The following MYBL1 variants were observed in gnomAD, a reference collection of about 807,000 sequenced individuals.
MYBL1 encodes MYB proto-oncogene like 1, also known as myb-related protein A.
In MYBL1, 17 loss-of-function variants were observed where a neutral mutation model predicts 96.3. The observed-to-expected ratio is 0.18, with a 90% CI of 0.12 to 0.26. MYBL1 has a LOEUF of 0.26. MYBL1 is among the 10% of genes least tolerant of loss of function. MYBL1 has a pLI of 1.00. For missense variants in MYBL1, 701 were observed against 882.9 expected (o/e 0.79, Z 2.61); for synonymous variants, 282 against 292.7 (o/e 0.96, Z 0.37).
At position 66,563,659 on chromosome 8, in the gene MYBL1, C is replaced by T. The variant is rs1489367563; in HGVS notation, c.*1038G>A. On this transcript the variant is annotated 3_prime_UTR_variant, in exon 16 of 16. Transcript: ENST00000522677. ...AATGCAAAAATTTCAAACACATATA[C>T]AAATCACCAGATTAATGTATATGAC... 1 of 152,098 alleles carries T rather than the reference C, an allele frequency of 6.6e-6. No homozygotes were observed. The highest frequency in any genetic ancestry group is 1.5e-5 in the Non-Finnish European group (1 of 67,896). The allele number at this position is 152,098 out of a possible 1,614,324, so 9.4% of individuals were successfully genotyped here.
intron 11 of MYBL1, 72 bp from the exon 12 acceptor site, chr8:66,572,668 T>C: frequency 1.4e-6 from 1 of 691,520 alleles, no homozygotes; most frequent in Non-Finnish European, 2.3e-6. Context: ...AGCAAAGCAA[T>C]TTAAGCACAC....
intron 1 of MYBL1, among the ~76,000 whole-genome samples, chr8:66,608,734 A>G (rs1283055288): frequency 6.6e-6 from 1 of 152,136 alleles, no homozygotes; most frequent in African/African-American, 2.4e-5. Flanking sequence ...TATTATAACA[A>G]TCAATGCTGG....
Position 66,566,670 on chromosome 8 carries a change from A to G in MYBL1, c.1950+14T>C. On this transcript the variant is annotated intron_variant, in intron 14 of 15. Transcript: ENST00000522677. ...AACCATTTAAAATAACAACAATAAT[A>G]ATCCTTTACAAACCTGCATGTCTGA... 1 of 1,525,440 alleles carries G rather than the reference A, an allele frequency of 6.6e-7. No individual in the cohort carries two copies. The highest frequency in any genetic ancestry group is 9.0e-7 in the Non-Finnish European group (1 of 1,108,956). The allele number at this position is 1,525,440 out of a possible 1,614,324, so 94.5% of individuals were successfully genotyped here.
intron 3 of MYBL1, among the ~76,000 whole-genome samples, chr8:66,600,987 A>G (rs981512165): frequency 6.6e-6 from 1 of 151,696 alleles, no homozygotes; most frequent in Non-Finnish European, 1.5e-5. Context: ...CCTGACCAAC[A>G]TGGAGAAACC....
chr8:66,592,317 C>T (rs974275621), intron 8 of MYBL1, 123 bp downstream of exon 8: 2 of 658,602 alleles, frequency 3.0e-6, no homozygotes, highest in Non-Finnish European at 4.9e-6. Flanking sequence ...TAAAAAAAAA[C>T]AAAACTATTT....
chr8:66,587,420 T>G (rs963416231), intron 8 of MYBL1, among the ~76,000 whole-genome samples: 2 of 152,210 alleles, frequency 1.3e-5, no homozygotes, highest in African/African-American at 4.8e-5. Flanking sequence ...CTGTTTCTTG[T>G]GTAGGTTCCC....
At chr8:66,595,411 A>G (rs1809810081) in intron 6 of MYBL1, among the ~76,000 whole-genome samples, 172 bp downstream of exon 6, 1 of 152,198 alleles carries the variant, frequency 6.6e-6, no homozygotes, top group Non-Finnish European at 1.5e-5. Flanking sequence ...AAAAGGAAAC[A>G]TTTTAATAAA....
chr8:66,606,068 T>C (rs934078718), intron 1 of MYBL1, among the ~76,000 whole-genome samples: 2 of 152,080 alleles, frequency 1.3e-5, no homozygotes, highest in Admixed American at 6.5e-5. Flanking sequence ...TACTACGACA[T>C]ACTGGAAAAA....
chr8:66,612,424 AG>A (rs1433521962), intron 1 of MYBL1: 2 of 226,398 alleles, frequency 8.8e-6, no homozygotes, highest in Non-Finnish European at 1.7e-5. Context: ...CATTCAGAAA[AG>A]AGTCGCCCGA....
rs142056639 is a variant in MYBL1 at position 66,596,787 on chromosome 8, T to C, written c.512+543A>G. Among the ~76,000 whole-genome samples the C allele has an allele frequency of 9.9e-4, 151 of 152,298 alleles. 1 individual carries two copies. The East Asian group carries it at 0.017, about 17-fold the overall frequency. ...AGAAAACATATGAACCAGTACAATG[T>C]AGAGTGTACTTAGCACATCACTGCC... On this transcript the variant is annotated intron_variant, in intron 5 of 15. Transcript: ENST00000522677.
chr8:66,612,727 A>G (rs902608925), intron 1 of MYBL1, 92 bp downstream of exon 1: 85 of 1,288,048 alleles, frequency 6.6e-5, no homozygotes, highest in Non-Finnish European at 7.6e-5. Flanking sequence ...CTCGCCAGGG[A>G]GGGCCTTATG....
At chr8:66,609,179 G>A (rs1020544341) in intron 1 of MYBL1, among the ~76,000 whole-genome samples, 11 of 151,988 alleles carry the variant, frequency 7.2e-5, no homozygotes, top group Non-Finnish European at 1.3e-4. Flanking sequence ...GAAATAACAC[G>A]CACTTGATGA....
chr8:66,568,537 A>C (rs1808604545), intron 12 of MYBL1, among the ~76,000 whole-genome samples: 2 of 151,954 alleles, frequency 1.3e-5, no homozygotes, highest in African/African-American at 4.8e-5. Context: ...TGACCTCAGG[A>C]GGTGATTTGC....
In MYBL1 at chr8:66,613,014, C is replaced by T; in HGVS notation, c.-176G>A. On this transcript the variant is annotated 5_prime_UTR_variant, in exon 1 of 16. Transcript: ENST00000522677. ...AGGACGGAGGGACAGCGGGGGCGGA[C>T]CGCGACCCGACCCCGACCCCGGCCC... The T allele has an allele frequency of 3.0e-6, 2 of 674,894 alleles. No homozygotes were observed. The highest frequency in any genetic ancestry group is 4.2e-6 in the Non-Finnish European group (2 of 472,212). 41.8% of individuals were successfully genotyped at this position (674,894 alleles called of 1,614,324 possible).
chr8:66,592,631 A>G, intron 7 of MYBL1, 87 bp from the exon 8 acceptor site: 2 of 742,408 alleles, frequency 2.7e-6, no homozygotes, highest in South Asian at 1.9e-5. Context: ...CTTCTATGCA[A>G]CATGAAATAT....
At chr8:66,591,726 T>C (rs1393700777) in intron 8 of MYBL1, among the ~76,000 whole-genome samples, 2 of 152,204 alleles carry the variant, frequency 1.3e-5, no homozygotes, top group East Asian at 3.9e-4. Flanking sequence ...AGCTCATAAA[T>C]CCCTCTACAT....
chr8:66,604,016 C>T (rs1263937022), intron 1 of MYBL1, among the ~76,000 whole-genome samples: 1 of 149,932 alleles, frequency 6.7e-6, no homozygotes, highest in Non-Finnish European at 1.5e-5. Flanking sequence ...AAAGAATAAT[C>T]AGAGAATTAC....
intron 3 of MYBL1, among the ~76,000 whole-genome samples, chr8:66,599,801 CA>C (rs879404223): frequency 8.7e-4 from 114 of 130,832 alleles, no homozygotes; most frequent in East Asian, 1.3e-3. Context: ...ACTCTCATCT[CA>C]AAAAAAAAAA....
Position 66,572,544 on chromosome 8 carries a change from G to C in MYBL1, c.1666C>G (p.Pro556Ala). ...GCAAGCGCATTCTTAAAAGGAGTAG[G>C]AGTTCTTGGTGTGGTACCCAGTATA... ...RSILGTTPRT[P>A]TPFKNALAAQ... Residue 556 changes from proline (P) to alanine (A), a missense_variant, in exon 12 of 16, where the codon CCT becomes GCT. Physicochemically the swap from Pro to Ala is conservative, Grantham distance 27 (BLOSUM62 -1). This residue lies in a region of MYBL1 where 63 missense variants were observed against 109.2 expected (regional missense o/e 0.58). Transcript: ENST00000522677. 3 of 1,605,124 alleles carry C rather than the reference G, an allele frequency of 1.9e-6. No individual in the cohort carries two copies. The highest frequency in any genetic ancestry group is 2.6e-6 in the Non-Finnish European group (3 of 1,174,206).
Sources: allele counts gnomAD v4.1 joint callset (sites outside exome capture counted in the v4.1 genomes callset), GRCh38; gene constraint gnomAD v4.1.1; regional missense constraint gnomAD v4.1.1; transcripts MANE v1.5; gene names NCBI Gene and HGNC (gene_info 2026-07-23, HGNC 2026-07-21).